The following STX8 variants were observed in gnomAD, a reference collection of about 807,000 sequenced individuals.
STX8 encodes syntaxin 8.
STX8 carries 23 observed loss-of-function variants against 37.5 expected under a neutral mutation model. The observed-to-expected ratio is 0.61, with a 90% CI of 0.44 to 0.87. The LOEUF is 0.87. Ranked by LOEUF, STX8 falls within the 40% of genes least tolerant of loss-of-function variation. The probability of loss-of-function intolerance (pLI) is 0.00; values close to 1 mark genes in which losing one functional copy is unlikely to be tolerated. For missense variants in STX8, 313 were observed against 284.7 expected (o/e 1.10, Z -0.71); for synonymous variants, 115 against 99.1 (o/e 1.16, Z -0.95).
intron 6 of STX8, among the ~76,000 whole-genome samples, chr17:9,414,948 G>A (rs546324745): frequency 6.6e-6 from 1 of 151,460 alleles, no homozygotes; most frequent in Non-Finnish European, 1.5e-5. Context: ...CCGCCACCAT[G>A]CCCAGCTAAT....
chr17:9,480,739 G>A (rs914372561), intron 6 of STX8, among the ~76,000 whole-genome samples: 11 of 152,134 alleles, frequency 7.2e-5, no homozygotes, highest in Admixed American at 7.2e-4. Context: ...GCCAAAGTCC[G>A]CTGAATGAAA....
intron 7 of STX8, among the ~76,000 whole-genome samples, chr17:9,285,603 G>A (rs907805606): frequency 9.2e-5 from 14 of 152,152 alleles, no homozygotes; most frequent in Admixed American, 9.2e-4. Flanking sequence ...GTTCCTGCAT[G>A]GGGCAGATCG....
intron 4 of STX8, among the ~76,000 whole-genome samples, chr17:9,541,389 G>C (rs1221633781): frequency 1.3e-5 from 2 of 152,162 alleles, no homozygotes; most frequent in Non-Finnish European, 2.9e-5. Context: ...GGCAGGGCAC[G>C]AGGGACAGAA....
chr17:9,567,515 A>G (rs1907507223), intron 2 of STX8, among the ~76,000 whole-genome samples: 1 of 152,210 alleles, frequency 6.6e-6, no homozygotes, highest in African/African-American at 2.4e-5. Flanking sequence ...AGAGAAAGAA[A>G]ATACAAATTT....
At chr17:9,468,223 C>T (rs1421066887) in intron 6 of STX8, among the ~76,000 whole-genome samples, 2 of 152,114 alleles carry the variant, frequency 1.3e-5, no homozygotes, top group African/African-American at 4.8e-5. Context: ...AATTCTCCTG[C>T]CTCAGCCTCC....
Position 9,472,071 on chromosome 17 carries a change from T to A in STX8, c.541+19758A>T, listed in dbSNP as rs72818044. On this transcript the variant is annotated intron_variant, in intron 6 of 7. Coordinates refer to ENST00000306357, the MANE Select transcript of STX8 (RefSeq NM_004853.3). ...AAAACAACTCATCCTGGTAGATTCC[T>A]TTTTTTTTTTTTTTTCAAAAGAAAA... is the stretch of plus-strand genomic sequence containing the variant. Among the ~76,000 whole-genome samples the A allele has an allele frequency of 6.0e-3, 289 of 48,478 alleles. 3 individuals are homozygous for A. The highest frequency in any genetic ancestry group is 0.032 in the Middle Eastern group (3 of 94). The allele number at this position is 48,478 out of a possible 152,430, so 31.8% of individuals were successfully genotyped here.
At position 9,545,224 on chromosome 17, in the gene STX8, T is replaced by C; in HGVS notation, c.271A>G (p.Arg91Gly). ...TTCTTAAAGGATGCCAGAAGTAGTCTCTCTCGAGTTACAAGATCATCCAAG... is the reference window on the plus strand; with the variant it reads ...TTCTTAAAGGATGCCAGAAGTAGTCCCTCTCGAGTTACAAGATCATCCAAG... ...NLLDDLVTRE[R>G]LLLASFKNEG... is the part of the protein sequence containing the mutation. Residue 91 changes from arginine to glycine, a missense_variant, in exon 4 of 8, where the codon AGA (arginine) becomes GGA (glycine). Arg to Gly is a moderately radical substitution (Grantham distance 125, BLOSUM62 -2). Transcript: ENST00000306357. 1.2e-6 allele frequency: 2 copies of C among 1,614,114 alleles called. No individual in the cohort carries two copies. The highest frequency in any genetic ancestry group is 1.7e-6 in the Non-Finnish European group (2 of 1,180,006).
chr17:9,297,552 C>T (rs1908609933), intron 7 of STX8, among the ~76,000 whole-genome samples: 2 of 152,202 alleles, frequency 1.3e-5, no homozygotes, highest in African/African-American at 4.8e-5. Flanking sequence ...CATTCCAGGG[C>T]TAGGCAACAG....
At chr17:9,542,087 A>G (rs1314620887) in intron 4 of STX8, among the ~76,000 whole-genome samples, 1 of 151,726 alleles carries the variant, frequency 6.6e-6, no homozygotes, top group Non-Finnish European at 1.5e-5. Context: ...GGCCAGGTGT[A>G]GTGGCTCATG....
chr17:9,298,797 A>C (rs143006420), intron 7 of STX8, among the ~76,000 whole-genome samples: 1 of 152,190 alleles, frequency 6.6e-6, no homozygotes, highest in African/African-American at 2.4e-5. Context: ...AGGCAACAAG[A>C]GCGAAACTCT....
At chr17:9,348,704 C>A (rs1284670239) in intron 7 of STX8, among the ~76,000 whole-genome samples, 1 of 152,160 alleles carries the variant, frequency 6.6e-6, no homozygotes, top group Admixed American at 6.6e-5. Flanking sequence ...AACATCCGAA[C>A]AATTTCACCA....
At chr17:9,267,478 C>T (rs951728269) in intron 7 of STX8, among the ~76,000 whole-genome samples, 3 of 152,290 alleles carry the variant, frequency 2.0e-5, no homozygotes, top group Admixed American at 6.5e-5. Context: ...CCATATCCCC[C>T]GTGTTGTGTG....
chr17:9,512,821 T>C (rs1905056994), intron 4 of STX8, among the ~76,000 whole-genome samples: 1 of 152,136 alleles, frequency 6.6e-6, no homozygotes, highest in Non-Finnish European at 1.5e-5. Context: ...AAACTGAATA[T>C]GCACATGCAT....
intron 7 of STX8, among the ~76,000 whole-genome samples, chr17:9,291,642 T>G (rs1908315752): frequency 6.6e-6 from 1 of 152,196 alleles, no homozygotes. Context: ...TTTCTATTCT[T>G]TAACAGCTTT....
rs1294148972 is a variant in STX8, at chr17:9,429,890, A to C, written c.542-51237T>G. On this transcript the variant is annotated intron_variant, in intron 6 of 7. Coordinates refer to ENST00000306357, the MANE Select transcript of STX8 (RefSeq NM_004853.3). ...TATTATATATTATATAGAATATATT[A>C]TATATAATATATTATATATTATATA... Among the ~76,000 whole-genome samples, 3 of 6,396 alleles carry C rather than the reference A, an allele frequency of 4.7e-4. 1 individual carries two copies. Among genetic ancestry groups the C allele is most frequent in the African/African-American group, 3.5e-3 (3 of 862 alleles). 4.2% of individuals were successfully genotyped at this position (6,396 alleles called of 152,430 possible).
At chr17:9,259,253 T>A (rs1355035863) in intron 7 of STX8, among the ~76,000 whole-genome samples, 2 of 152,176 alleles carry the variant, frequency 1.3e-5, no homozygotes, top group Admixed American at 1.3e-4. Flanking sequence ...ATACAGTACA[T>A]GAAACTTCTA....
chr17:9,426,866 G>A (rs1913649923), intron 6 of STX8, among the ~76,000 whole-genome samples: 1 of 152,150 alleles, frequency 6.6e-6, no homozygotes, highest in African/African-American at 2.4e-5. Flanking sequence ...GTTATATCTT[G>A]TAAGAGACAC....
At chr17:9,392,641 A>C (rs1912264402) in intron 6 of STX8, among the ~76,000 whole-genome samples, 1 of 152,184 alleles carries the variant, frequency 6.6e-6, no homozygotes, top group Non-Finnish European at 1.5e-5. Context: ...AAAATGCTCC[A>C]AGAAGTAATG....
intron 7 of STX8, among the ~76,000 whole-genome samples, chr17:9,299,797 T>G (rs1908702533): frequency 6.6e-6 from 1 of 152,202 alleles, no homozygotes; most frequent in African/African-American, 2.4e-5. Context: ...GTCAGTGAAG[T>G]AGAGTTACCG....
Sources: gnomAD v4.1 joint callset for allele counts (sites outside exome capture counted in the v4.1 genomes callset) on GRCh38, gnomAD v4.1.1 for gene constraint, MANE v1.5 for transcripts, NCBI Gene and HGNC (gene_info 2026-07-23, HGNC 2026-07-21) for gene names.